Variants in YY1 observed in about 807,000 individuals in gnomAD.
YY1 encodes the protein transcriptional repressor protein YY1.
YY1 carries 2 observed loss-of-function variants against 35.6 expected under a neutral mutation model. The ratio of observed to expected loss-of-function variants is 0.06; its 90% CI spans 0.02 to 0.18. YY1 has a LOEUF of 0.18. YY1 is among the 10% of genes least tolerant of loss of function. YY1 has a pLI of 1.00. For missense variants in YY1, 322 were observed against 573.4 expected (o/e 0.56, Z 4.48); for synonymous variants, 268 against 238.9 (o/e 1.12, Z -1.12).
In YY1 at chr14:100,281,523, C is replaced by G. The variant is rs1454731375; in HGVS notation, c.*3923C>G. On this transcript the variant is annotated 3_prime_UTR_variant, in exon 5 of 5. Coordinates refer to ENST00000262238, the MANE Select transcript of YY1 (RefSeq NM_003403.5). ...ACTTCAGAGTTCAGGCCCAGCAGGT[C>G]CTGGCAAGTGCATTCCACCCGAACT... 1 of 152,194 alleles carries G rather than the reference C, an allele frequency of 6.6e-6. No homozygotes were observed. Among genetic ancestry groups the G allele is most frequent in the African/African-American group, 2.4e-5 (1 of 41,430 alleles). 9.4% of individuals were successfully genotyped at this position (152,194 alleles called of 1,614,324 possible). A position where few individuals can be genotyped will look rare whatever the true frequency, so the allele number is the denominator to read the frequency against.
chr14:100,256,420 C>T (rs1891007289), intron 1 of YY1, among the ~76,000 whole-genome samples: 1 of 152,186 alleles, frequency 6.6e-6, no homozygotes, highest in Non-Finnish European at 1.5e-5. Context: ...CTGTTCCTCC[C>T]CAACCCATCT....
chr14:100,261,725 AGAG>A (rs1891088692), intron 1 of YY1, among the ~76,000 whole-genome samples: 1 of 152,186 alleles, frequency 6.6e-6, no homozygotes, highest in Non-Finnish European at 1.5e-5. Context: ...GGGCCAAAAT[AGAG>A]GAGTGAAGAG....
Position 100,260,446 on chromosome 14 carries a change from T to TATAC in YY1, c.680-1857_680-1856insTACA, listed in dbSNP as rs147681029. ...ATGAATATATATATATATATATATATACACACACACACACATATATGTATT... is the reference window on the plus strand; with the variant it reads ...ATGAATATATATATATATATATATATATACACACACACACACACATATATGTATT... On this transcript the variant is annotated intron_variant, in intron 1 of 4. Transcript: ENST00000262238. Among the ~76,000 whole-genome samples the TATAC allele has an allele frequency of 1.2e-3, 165 of 139,404 alleles. 1 individual carries two copies. The highest frequency in any genetic ancestry group is 3.3e-3 in the African/African-American group (120 of 36,828). 91.5% of individuals were successfully genotyped at this position (139,404 alleles called of 152,430 possible). A position where few individuals can be genotyped will look rare whatever the true frequency, so the allele number is the denominator to read the frequency against.
At position 100,280,948 on chromosome 14, in the gene YY1, A is replaced by C. The variant is rs1348121037; in HGVS notation, c.*3348A>C. 1 of 148,868 alleles carries C rather than the reference A, an allele frequency of 6.7e-6. No individual in the cohort carries two copies. The highest frequency in any genetic ancestry group is 1.5e-5 in the Non-Finnish European group (1 of 67,452). 9.2% of individuals were successfully genotyped at this position (148,868 alleles called of 1,614,324 possible). On this transcript the variant is annotated 3_prime_UTR_variant, in exon 5 of 5. Coordinates refer to ENST00000262238, the MANE Select transcript of YY1 (RefSeq NM_003403.5). ...AAGTTTTGGAATTGGAAGCCTGATA[A>C]TTTCGGGAGGCTGAGGCAGGAGAAC...
chr14:100,269,343 TAC>T (rs200046898), intron 2 of YY1, among the ~76,000 whole-genome samples: 5,144 of 152,240 alleles, frequency 0.034, 132 homozygotes, highest in Non-Finnish European at 0.051. Context: ...GCCGAGAAGT[TAC>T]AGTTTGCTCA....
intron 2 of YY1, among the ~76,000 whole-genome samples, chr14:100,267,955 A>C (rs1354171857): frequency 1.3e-5 from 2 of 152,240 alleles, no homozygotes; most frequent in Non-Finnish European, 2.9e-5. Flanking sequence ...TGTGTGTAAC[A>C]GTTGAGTGGG....
intron 1 of YY1, among the ~76,000 whole-genome samples, chr14:100,255,645 T>C (rs1161354345): frequency 1.3e-5 from 2 of 151,992 alleles, no homozygotes; most frequent in African/African-American, 4.8e-5. Flanking sequence ...AATAAATAAG[T>C]GTGGAATGTG....
Position 100,277,872 on chromosome 14 carries a change from T to C in YY1, c.*272T>C, listed in dbSNP as rs1891346891. On this transcript the variant is annotated 3_prime_UTR_variant, in exon 5 of 5. Coordinates refer to ENST00000262238, the MANE Select transcript of YY1 (RefSeq NM_003403.5). The surrounding 1 kb of genome is among the most constrained non-coding windows in gnomAD (Gnocchi z 5.6). The stretch of plus-strand genomic sequence containing the variant: ...GTGGTCCCAACAGGAGGACAATTCA[T>C]GAACTTCGCATCAAAAGACAATTCT... The C allele has an allele frequency of 4.6e-6, 2 of 432,632 alleles. No homozygotes were observed. The highest frequency in any genetic ancestry group is 8.3e-6 in the Non-Finnish European group (2 of 240,654). 26.8% of individuals were successfully genotyped at this position (432,632 alleles called of 1,614,324 possible).
At chr14:100,248,577 G>A (rs917371236) in intron 1 of YY1, among the ~76,000 whole-genome samples, 3 of 151,416 alleles carry the variant, frequency 2.0e-5, no homozygotes, top group Admixed American at 1.3e-4. Context: ...ATCATTGTGC[G>A]CTACAGCCTT....
intron 1 of YY1, among the ~76,000 whole-genome samples, chr14:100,256,011 C>G (rs1891000532): frequency 1.3e-5 from 2 of 152,044 alleles, no homozygotes; most frequent in Non-Finnish European, 2.9e-5. Context: ...GTATTGTGGG[C>G]CTGTAGTCCC....
chr14:100,242,393 T>A (rs868830554), intron 1 of YY1, among the ~76,000 whole-genome samples: 1 of 143,830 alleles, frequency 7.0e-6, no homozygotes, highest in Non-Finnish European at 1.5e-5. Flanking sequence ...TTTTTTTTTT[T>A]TTTTTTTTTT....
At chr14:100,248,590 ACTC>A (rs548346840) in intron 1 of YY1, among the ~76,000 whole-genome samples, 51 of 145,938 alleles carry the variant, frequency 3.5e-4, no homozygotes, top group African/African-American at 1.1e-3. Context: ...ACAGCCTTGA[ACTC>A]CTGGGCTCAA....
At chr14:100,273,799 C>G (rs1271514637) in intron 2 of YY1, among the ~76,000 whole-genome samples, 2 of 152,120 alleles carry the variant, frequency 1.3e-5, no homozygotes, top group Non-Finnish European at 1.5e-5. Context: ...TTCTCACCCC[C>G]CTACCACACA....
chr14:100,250,548 A>G (rs1323421583), intron 1 of YY1, among the ~76,000 whole-genome samples: 12 of 152,138 alleles, frequency 7.9e-5, no homozygotes, highest in Admixed American at 7.9e-4. Context: ...CTGGCAGTCA[A>G]AATTAAAAAA....
chr14:100,268,393 A>G (rs1389340358), intron 2 of YY1, among the ~76,000 whole-genome samples: 1 of 152,268 alleles, frequency 6.6e-6, no homozygotes, highest in Non-Finnish European at 1.5e-5. Flanking sequence ...ATGTCTGTTC[A>G]GTAAACATTT....
At chr14:100,255,926 C>T (rs1044119854) in intron 1 of YY1, among the ~76,000 whole-genome samples, 2 of 152,074 alleles carry the variant, frequency 1.3e-5, no homozygotes, top group South Asian at 4.1e-4. Context: ...CTTCTCCTCT[C>T]TGACTGTATT....
chr14:100,274,717 AAAG>A lies in YY1; in HGVS notation c.867_869del (p.Glu289del). 1 of 1,614,104 alleles carries A rather than the reference AAAG, an allele frequency of 6.2e-7. No homozygotes were observed. Among genetic ancestry groups the A allele is most frequent in the Non-Finnish European group, 8.5e-7 (1 of 1,179,952 alleles). ...GATAAGAATGAAGCCAAGAAAAATT[AAAG>A]AAGATGATGCTCCAAGAACAATAGC... is the stretch of plus-strand genomic sequence containing the variant. On this transcript the variant is annotated inframe_deletion, in exon 3 of 5. Transcript: ENST00000262238.
At chr14:100,240,118 G>T (rs994881756) in intron 1 of YY1, among the ~76,000 whole-genome samples, 195 bp downstream of exon 1, 1 of 146,190 alleles carries the variant, frequency 6.8e-6, no homozygotes, top group Non-Finnish European at 1.5e-5. Context: ...GCAGGCCGCG[G>T]GGGGGAGGGG....
In YY1 at chr14:100,239,785, G is replaced by C; in HGVS notation, c.541G>C (p.Gly181Arg). The change falls in exon 1 of 5, where the codon GGC becomes CGC. Residue 181 changes from glycine (G) to arginine (R), a missense_variant. Physicochemically the swap from Gly to Arg is moderately radical, Grantham distance 125 (BLOSUM62 -2). Transcript: ENST00000262238. ...RVKKGGGKKSGKKSYLSGGAG... is the reference protein window; with the variant it reads ...RVKKGGGKKSRKKSYLSGGAG... ...CAAGAAGGGCGGCGGCAAGAAGAGC[G>C]GCAAGAAGAGTTACCTCAGCGGCGG... The C allele has an allele frequency of 2.6e-6, 4 of 1,555,844 alleles. No homozygotes were observed. The highest frequency in any genetic ancestry group is 3.5e-6 in the Non-Finnish European group (4 of 1,153,232).
Sources: gnomAD v4.1 joint callset for allele counts (sites outside exome capture counted in the v4.1 genomes callset) on GRCh38, gnomAD v4.1.1 for gene constraint, Gnocchi (gnomAD v3.1) non-coding constraint, MANE v1.5 for transcripts, NCBI Gene and HGNC (gene_info 2026-07-23, HGNC 2026-07-21) for gene names.